The following DCDC1 variants were observed in gnomAD, a reference collection of about 807,000 sequenced individuals.
The protein encoded by DCDC1 is doublecortin domain-containing protein 1.
In DCDC1, 200 loss-of-function variants were observed where a neutral mutation model predicts 178.3. That is an observed-to-expected ratio of 1.12 (90% CI 1.00 to 1.26). The LOEUF (loss-of-function observed/expected upper bound fraction) is 1.26, where lower values mean the gene tolerates loss of function less well. Ranked by LOEUF, DCDC1 falls within the 50% of genes most tolerant of loss-of-function variation. The pLI, the probability that DCDC1 is intolerant of heterozygous loss-of-function variation, is 0.00. For missense variants in DCDC1, 1,983 were observed against 1,749.2 expected (o/e 1.13, Z -2.38); for synonymous variants, 690 against 604.8 (o/e 1.14, Z -2.07).
intron 8 of DCDC1, among the ~76,000 whole-genome samples, chr11:31,259,367 A>T (rs1409401972): frequency 6.6e-6 from 1 of 152,158 alleles, no homozygotes; most frequent in Non-Finnish European, 1.5e-5. Context: ...AAAGAAAAAT[A>T]ATAATAATAA....
chr11:31,340,699 T>C (rs938316958), intron 1 of DCDC1, among the ~76,000 whole-genome samples: 6 of 152,144 alleles, frequency 3.9e-5, no homozygotes, highest in African/African-American at 1.4e-4. Flanking sequence ...TTCCCCTGGG[T>C]AAGAAGGAAT....
chr11:30,881,219 G>C lies in DCDC1; in HGVS notation c.5172C>G (p.Asp1724Glu). ...TPSGEPIQSWDDIERDMVICV... is the reference protein window; with the variant it reads ...TPSGEPIQSWEDIERDMVICV... ...AGATGACCATATCTCGCTCTATGTC[G>C]TCCCAGGACTGAATTGGCTCTCCAC... The change falls in exon 37 of 39, where the codon GAC becomes GAG. Residue 1724 changes from aspartate to glutamate, a missense_variant. Coordinates refer to ENST00000684477, the MANE Select transcript of DCDC1 (RefSeq NM_001387274.1). 1 of 1,613,460 alleles carries C rather than the reference G, an allele frequency of 6.2e-7. No homozygotes were observed. Among genetic ancestry groups the C allele is most frequent in the Non-Finnish European group, 8.5e-7 (1 of 1,179,614 alleles).
chr11:31,142,455 C>A (rs1387473089), intron 9 of DCDC1, among the ~76,000 whole-genome samples: 1 of 151,274 alleles, frequency 6.6e-6, no homozygotes, highest in Non-Finnish European at 1.5e-5. Context: ...TTGGGACTAT[C>A]AAATGGAGTT....
chr11:30,925,497 CATA>C, intron 22 of DCDC1, 89 bp from the exon 23 acceptor site: 1 of 1,134,344 alleles, frequency 8.8e-7, no homozygotes, highest in Non-Finnish European at 1.3e-6. Flanking sequence ...GGCCTGAATC[CATA>C]ATGACAACTC....
chr11:31,356,750 G>C (rs1474659526), intron 1 of DCDC1, among the ~76,000 whole-genome samples: 1 of 150,056 alleles, frequency 6.7e-6, no homozygotes, highest in East Asian at 1.9e-4. Flanking sequence ...AATGATAAAG[G>C]GGATATCACC....
chr11:30,931,713 CA>C, intron 22 of DCDC1, 57 bp downstream of exon 22: 1 of 1,472,136 alleles, frequency 6.8e-7, no homozygotes, highest in Non-Finnish European at 9.1e-7. Flanking sequence ...TAATTAAGAA[CA>C]CAAAATCTGT....
chr11:31,052,245 A>G (rs1472837826), intron 20 of DCDC1, among the ~76,000 whole-genome samples: 7 of 152,194 alleles, frequency 4.6e-5, no homozygotes, highest in Admixed American at 4.6e-4. Flanking sequence ...CAGCGGTTAA[A>G]AGAGACAAAG....
intron 34 of DCDC1, among the ~76,000 whole-genome samples, chr11:30,895,945 G>T (rs1325490688): frequency 6.6e-6 from 1 of 152,074 alleles, no homozygotes; most frequent in Non-Finnish European, 1.5e-5. Context: ...CAACTACAGA[G>T]AGTTCAGCAA....
intron 20 of DCDC1, among the ~76,000 whole-genome samples, chr11:30,964,795 GGGGA>G (rs1196991809): frequency 6.6e-6 from 1 of 152,098 alleles, no homozygotes; most frequent in Non-Finnish European, 1.5e-5. Context: ...TAACACAAGT[GGGGA>G]GGATGGAAGA....
intron 8 of DCDC1, among the ~76,000 whole-genome samples, chr11:31,257,766 G>T (rs1239879138): frequency 6.6e-6 from 1 of 150,944 alleles, no homozygotes; most frequent in African/African-American, 2.4e-5. Context: ...GATCCTAAAT[G>T]CCAGGTGAAG....
chr11:30,893,116 G>A (rs1304211960), intron 35 of DCDC1, 119 bp from the exon 36 acceptor site: 16 of 1,147,058 alleles, frequency 1.4e-5, no homozygotes, highest in Non-Finnish European at 7.2e-6. Flanking sequence ...AAAAATTTTA[G>A]GAAGTAACTA....
At chr11:30,867,671 C>T (rs1042437655) in intron 38 of DCDC1, among the ~76,000 whole-genome samples, 18 of 152,266 alleles carry the variant, frequency 1.2e-4, no homozygotes, top group East Asian at 1.9e-4. Flanking sequence ...GCTATGACCT[C>T]CCTCTGTTGC....
chr11:31,252,516 A>G (rs1260421088), intron 8 of DCDC1, among the ~76,000 whole-genome samples: 1 of 152,118 alleles, frequency 6.6e-6, no homozygotes, highest in African/African-American at 2.4e-5. Flanking sequence ...AATTTTAGGT[A>G]ACATACTGAC....
Position 31,064,590 on chromosome 11 carries a change from G to A in DCDC1, c.2470C>T (p.Gln824Ter), listed in dbSNP as rs748931881. Residue 824 changes from glutamine (Q) to a stop codon, truncating the protein, a stop_gained, in exon 20 of 39, where the codon CAA (glutamine) becomes TAA (stop). Coordinates refer to ENST00000684477, the MANE Select transcript of DCDC1 (RefSeq NM_001387274.1). LOFTEE classifies it high-confidence loss of function. ...TGGGTGTCTGAGGGTTCTGGCAGTT[G>A]CTTCAGACCAAGGTTGCTGGCACTT... ...QESASNLGLK[Q>*]LPEPSDTHLM... 1.3e-6 allele frequency: 1 copy of A among 765,902 alleles called. No individual in the cohort carries two copies. Among genetic ancestry groups the A allele is most frequent in the East Asian group, 2.4e-5 (1 of 41,224 alleles). The allele number at this position is 765,902 out of a possible 1,614,324, so 47.4% of individuals were successfully genotyped here.
intron 9 of DCDC1, among the ~76,000 whole-genome samples, chr11:31,166,818 T>C (rs1966831152): frequency 6.6e-6 from 1 of 152,250 alleles, no homozygotes; most frequent in South Asian, 2.1e-4. Flanking sequence ...ACCACAGGAC[T>C]TCCAGGAAAG....
intron 15 of DCDC1, among the ~76,000 whole-genome samples, chr11:31,096,211 C>G (rs958872351): frequency 6.6e-6 from 1 of 152,188 alleles, no homozygotes; most frequent in Admixed American, 6.5e-5. Flanking sequence ...AGCAACACCA[C>G]CACCTAAGCA....
At chr11:30,987,745 C>T (rs776204350) in intron 20 of DCDC1, among the ~76,000 whole-genome samples, 22 of 152,200 alleles carry the variant, frequency 1.4e-4, no homozygotes, top group Non-Finnish European at 2.9e-4. Flanking sequence ...CCTAGGATGC[C>T]TTTGAATGTG....
intron 1 of DCDC1, among the ~76,000 whole-genome samples, chr11:31,366,720 T>A (rs1439655790): frequency 6.6e-6 from 1 of 152,200 alleles, no homozygotes; most frequent in Non-Finnish European, 1.5e-5. Context: ...CAATGATTAT[T>A]GTCAAAGAAG....
intron 27 of DCDC1, among the ~76,000 whole-genome samples, chr11:30,912,262 A>G (rs1233375833): frequency 6.6e-6 from 1 of 151,874 alleles, no homozygotes; most frequent in Non-Finnish European, 1.5e-5. Context: ...TTCCTTATAA[A>G]TTACTCAGTT....
Sources: gnomAD v4.1 joint callset for allele counts (sites outside exome capture counted in the v4.1 genomes callset) on GRCh38, gnomAD v4.1.1 for gene constraint, MANE v1.5 for transcripts, NCBI Gene and HGNC (gene_info 2026-07-23, HGNC 2026-07-21) for gene names.